The following ANKS1B variants were observed in gnomAD, a reference collection of about 807,000 sequenced individuals.
The protein encoded by ANKS1B is ankyrin repeat and sterile alpha motif domain-containing protein 1B.
In ANKS1B, 36 loss-of-function variants were observed where a neutral mutation model predicts 148.3. The observed-to-expected ratio is 0.24, with a 90% CI of 0.19 to 0.32. ANKS1B has a LOEUF of 0.32. ANKS1B is among the 10% of genes least tolerant of loss of function. The pLI is 1.00. For synonymous variants in ANKS1B, 542 were observed against 560.8 expected, an observed-to-expected ratio of 0.97 and a Z score of 0.47; for missense variants, 1,157 against 1,542.6, an observed-to-expected ratio of 0.75 and a Z score of 4.19.
intron 9 of ANKS1B, among the ~76,000 whole-genome samples, chr12:99,623,474 G>A (rs2098078623): frequency 6.6e-6 from 1 of 151,908 alleles, no homozygotes; most frequent in South Asian, 2.1e-4. Flanking sequence ...TCTTCTTACT[G>A]ACGATATGAT....
chr12:98,931,626 G>A (rs967688695), intron 17 of ANKS1B: 2 of 152,038 alleles, frequency 1.3e-5, no homozygotes, highest in South Asian at 2.1e-4. Flanking sequence ...GTTTCGTTTT[G>A]TACTAGAGAA....
At chr12:98,789,160 T>C (rs943156687) in intron 22 of ANKS1B, among the ~76,000 whole-genome samples, 2 of 152,032 alleles carry the variant, frequency 1.3e-5, no homozygotes, top group African/African-American at 2.4e-5. Flanking sequence ...CTGGCCAACA[T>C]GGTGAAACCC....
intron 9 of ANKS1B, among the ~76,000 whole-genome samples, chr12:99,603,081 C>T (rs188585984): frequency 6.3e-4 from 96 of 152,144 alleles, no homozygotes; most frequent in African/African-American, 1.9e-3. Context: ...CTTGCTCTGT[C>T]GCCAGGCTGG....
intron 4 of ANKS1B, among the ~76,000 whole-genome samples, chr12:99,784,418 C>T (rs1330411034): frequency 2.6e-5 from 4 of 152,182 alleles, no homozygotes; most frequent in African/African-American, 7.2e-5. Flanking sequence ...ATGATCCACC[C>T]GTCTTGGCCT....
chr12:99,665,357 A>G (rs2098500831), intron 8 of ANKS1B, among the ~76,000 whole-genome samples: 1 of 152,226 alleles, frequency 6.6e-6, no homozygotes, highest in Non-Finnish European at 1.5e-5. Context: ...AATTATCACA[A>G]TAATAGTACT....
At chr12:99,239,577 A>G (rs1258522226) in intron 14 of ANKS1B, among the ~76,000 whole-genome samples, 1 of 152,218 alleles carries the variant, frequency 6.6e-6, no homozygotes, top group African/African-American at 2.4e-5. Context: ...CACCACAAAG[A>G]TACTCCTCAA....
At chr12:99,384,525 A>G (rs919090430) in intron 12 of ANKS1B, among the ~76,000 whole-genome samples, 7 of 151,372 alleles carry the variant, frequency 4.6e-5, no homozygotes, top group Non-Finnish European at 8.8e-5. Context: ...CATTTTTCAT[A>G]GTAAGTGGCA....
chr12:99,777,608 G>A (rs1311008274), intron 6 of ANKS1B, among the ~76,000 whole-genome samples: 2 of 152,002 alleles, frequency 1.3e-5, no homozygotes, highest in South Asian at 2.1e-4. Flanking sequence ...TGTTTGAGAC[G>A]GAGTCTCGCT....
At chr12:99,782,495 G>T (rs2064451120) in intron 4 of ANKS1B, among the ~76,000 whole-genome samples, 1 of 152,168 alleles carries the variant, frequency 6.6e-6, no homozygotes, top group African/African-American at 2.4e-5. Context: ...GGAAGCAGAG[G>T]TTGCAGTGAG....
At chr12:99,976,956 T>C (rs1470909609) in intron 1 of ANKS1B, among the ~76,000 whole-genome samples, 1 of 152,166 alleles carries the variant, frequency 6.6e-6, no homozygotes, top group Admixed American at 6.5e-5. Context: ...GACCTTCTTA[T>C]TGCATCATCC....
intron 14 of ANKS1B, among the ~76,000 whole-genome samples, chr12:99,206,606 T>C (rs2082701438): frequency 6.6e-6 from 1 of 152,106 alleles, no homozygotes; most frequent in African/African-American, 2.4e-5. Flanking sequence ...ACCCCGAAGG[T>C]AAAAAGAAAG....
At chr12:99,658,596 A>T (rs1308382561) in intron 8 of ANKS1B, among the ~76,000 whole-genome samples, 1 of 152,058 alleles carries the variant, frequency 6.6e-6, no homozygotes, top group Non-Finnish European at 1.5e-5. Flanking sequence ...TTTTAACTCA[A>T]ACAGATATAT....
chr12:99,809,377 A>G (rs1374764862), intron 3 of ANKS1B, among the ~76,000 whole-genome samples: 2 of 151,902 alleles, frequency 1.3e-5, no homozygotes, highest in Admixed American at 6.6e-5. Flanking sequence ...TAATGTTAAA[A>G]TAAAGAAAAA....
At chr12:99,480,427 T>C (rs779135406) in intron 10 of ANKS1B, among the ~76,000 whole-genome samples, 58 of 152,054 alleles carry the variant, frequency 3.8e-4, no homozygotes, top group Non-Finnish European at 6.8e-4. Context: ...TCTGGATTTT[T>C]GATCTAATAT....
Position 99,830,509 on chromosome 12 carries a change from G to A in ANKS1B, c.135-5120C>T, listed in dbSNP as rs77667809. On this transcript the variant is annotated intron_variant, in intron 1 of 26. Coordinates refer to ENST00000683438, the MANE Select transcript of ANKS1B (RefSeq NM_001352186.2). Reference sequence around the variant, plus strand: ...ATGGGATCTACATACTACCAATTATGAAAGCATATCATAAAACAATACCAA... The same window carrying A: ...ATGGGATCTACATACTACCAATTATAAAAGCATATCATAAAACAATACCAA... Among the ~76,000 whole-genome samples, 1,199 of 151,700 alleles carry A rather than the reference G, an allele frequency of 7.9e-3. 14 individuals carry two copies. Among genetic ancestry groups the A allele is most frequent in the African/African-American group, 0.027 (1,132 of 41,382 alleles).
At chr12:99,229,920 C>T (rs954145567) in intron 14 of ANKS1B, among the ~76,000 whole-genome samples, 9 of 151,880 alleles carry the variant, frequency 5.9e-5, no homozygotes, top group African/African-American at 2.2e-4. Context: ...TCATTCCTAT[C>T]CTCAAGACAC....
At chr12:98,825,115 C>A (rs936279774) in intron 19 of ANKS1B, among the ~76,000 whole-genome samples, 1 of 152,044 alleles carries the variant, frequency 6.6e-6, no homozygotes, top group Admixed American at 6.6e-5. Flanking sequence ...AGCTGTGAGG[C>A]CAAGCACTCA....
chr12:99,183,367 G>A (rs184316932), intron 14 of ANKS1B, among the ~76,000 whole-genome samples: 15 of 152,312 alleles, frequency 9.8e-5, no homozygotes, highest in Admixed American at 3.3e-4. Context: ...ATTGGTCTTA[G>A]GTGCAGTGGC....
chr12:98,860,587 G>A (rs1008281579), intron 17 of ANKS1B, among the ~76,000 whole-genome samples: 2 of 152,192 alleles, frequency 1.3e-5, no homozygotes, highest in Non-Finnish European at 2.9e-5. Context: ...AAGACTCTGT[G>A]TTGTTCACCT....
Sources: gnomAD v4.1 joint callset for allele counts (sites outside exome capture counted in the v4.1 genomes callset) on GRCh38, gnomAD v4.1.1 for gene constraint, MANE v1.5 for transcripts, NCBI Gene and HGNC (gene_info 2026-07-23, HGNC 2026-07-21) for gene names.